The following YTHDF2 variants were observed in gnomAD, a reference collection of about 807,000 sequenced individuals.
The protein encoded by YTHDF2 is YTH domain-containing family protein 2.
A neutral mutation model predicts 50.4 loss-of-function variants in YTHDF2; 2 were observed. That is an observed-to-expected ratio of 0.04 (90% CI 0.02 to 0.12). The LOEUF is 0.12. Ranked by LOEUF, YTHDF2 falls within the 10% of genes least tolerant of loss-of-function variation. YTHDF2 has a pLI of 1.00. For synonymous variants in YTHDF2, 217 were observed against 255.6 expected (o/e 0.85, Z 1.44); for missense variants, 483 against 722.6 (o/e 0.67, Z 3.80).
In YTHDF2 at chr1:28,737,856, T is replaced by G. The variant is rs1488159523; in HGVS notation, c.52+174T>G. 6.3e-5 allele frequency: 45 copies of G among 717,486 alleles called. No homozygotes were observed. In the Admixed American group the frequency reaches 1.3e-3, roughly 20 times the overall value. The allele number at this position is 717,486 out of a possible 1,614,324, so 44.4% of individuals were successfully genotyped here. On this transcript the variant is annotated intron_variant, in intron 2 of 4. Coordinates refer to ENST00000373812, the MANE Select transcript of YTHDF2 (RefSeq NM_016258.3). ...TGTGTTCTTGCAGCTGGCGAACAGC[T>G]TTTTCGCTAACAAGGAGTAATTCAT...
chr1:28,760,949 G>T (rs1012439203), intron 4 of YTHDF2, among the ~76,000 whole-genome samples: 2 of 152,052 alleles, frequency 1.3e-5, no homozygotes, highest in Admixed American at 6.6e-5. Context: ...CTTGCAGTGC[G>T]GTAGGTTTGT....
chr1:28,756,180 A>G (rs2088033269), intron 4 of YTHDF2, among the ~76,000 whole-genome samples: 2 of 152,186 alleles, frequency 1.3e-5, no homozygotes, highest in Admixed American at 1.3e-4. Context: ...TTGTTTGCCT[A>G]GTATGGGCTG....
chr1:28,754,492 T>C (rs1039326816), intron 4 of YTHDF2, among the ~76,000 whole-genome samples: 3 of 151,920 alleles, frequency 2.0e-5, no homozygotes, highest in Non-Finnish European at 2.9e-5. Context: ...ATAGCGCTAC[T>C]GCACTCCAGC....
intron 4 of YTHDF2, among the ~76,000 whole-genome samples, chr1:28,761,597 C>T (rs534820118): frequency 1.3e-5 from 2 of 152,274 alleles, no homozygotes; most frequent in South Asian, 2.1e-4. Flanking sequence ...ATTAGCTGGG[C>T]ATGGTGGCGC....
chr1:28,738,167 A>G, intron 2 of YTHDF2, 92 bp from the exon 3 acceptor site: 2 of 959,662 alleles, frequency 2.1e-6, no homozygotes, highest in African/African-American at 1.6e-5. Flanking sequence ...TTTGTTAACT[A>G]GTAAGGTTTT....
chr1:28,744,031 A>G (rs2087819337), intron 4 of YTHDF2, 45 bp downstream of exon 4: 1 of 1,501,024 alleles, frequency 6.7e-7, no homozygotes, highest in African/African-American at 1.4e-5. Flanking sequence ...AGGAGGAACC[A>G]GAGAGAACAG....
intron 2 of YTHDF2, chr1:28,737,922 C>A (rs2087720527): frequency 3.4e-6 from 2 of 591,334 alleles, no homozygotes; most frequent in Non-Finnish European, 6.0e-6. Context: ...GCTCCAGGTC[C>A]TTAGTTTCCT....
rs1553142835 is a variant in YTHDF2, at chr1:28,737,003, G to A, written c.-118G>A. The A allele has an allele frequency of 1.1e-5, 14 of 1,304,498 alleles. No individual in the cohort carries two copies. The South Asian group carries it at 1.6e-4, about 15-fold the overall frequency. The allele number at this position is 1,304,498 out of a possible 1,614,324, so 80.8% of individuals were successfully genotyped here. A position where few individuals can be genotyped will look rare whatever the true frequency, so the allele number is the denominator to read the frequency against. ...GCTGTGTCTCCGCTGCGTCCGCCGA[G>A]GCCCCCGAGTGTCAGGGACAAAAGC... On this transcript the variant is annotated 5_prime_UTR_variant, in exon 1 of 5. Coordinates refer to ENST00000373812, the MANE Select transcript of YTHDF2 (RefSeq NM_016258.3).
rs534416031 is a variant in YTHDF2, at chr1:28,756,352, T to C, written c.1716+12366T>C. Among the ~76,000 whole-genome samples the C allele has an allele frequency of 9.2e-5, 14 of 152,344 alleles. No homozygotes were observed. The South Asian group carries it at 2.7e-3, about 29-fold the overall frequency. On this transcript the variant is annotated intron_variant, in intron 4 of 4. Coordinates refer to ENST00000373812, the MANE Select transcript of YTHDF2 (RefSeq NM_016258.3). ...CAAGGGCTAGTTGGCAATGCTAGAA[T>C]CGTTTAGTATATCTTGAATAGTTTA...
At chr1:28,752,863 C>T (rs556792379) in intron 4 of YTHDF2, among the ~76,000 whole-genome samples, 11 of 150,894 alleles carry the variant, frequency 7.3e-5, no homozygotes, top group Middle Eastern at 6.9e-3. Flanking sequence ...GGCAGCATAG[C>T]GAGACCTTGT....
intron 4 of YTHDF2, among the ~76,000 whole-genome samples, chr1:28,747,829 A>C (rs750654147): frequency 6.6e-6 from 1 of 151,504 alleles, no homozygotes; most frequent in Non-Finnish European, 1.5e-5. Context: ...CTCTCTTGTA[A>C]GAACTGCTGG....
chr1:28,749,223 G>A (rs1385451665), intron 4 of YTHDF2, among the ~76,000 whole-genome samples: 2 of 126,378 alleles, frequency 1.6e-5, no homozygotes, highest in Non-Finnish European at 3.1e-5. Flanking sequence ...TCTCAGTCTC[G>A]CTCTGTCGTC....
At chr1:28,753,809 C>T (rs912828826) in intron 4 of YTHDF2, among the ~76,000 whole-genome samples, 14 of 151,062 alleles carry the variant, frequency 9.3e-5, no homozygotes, top group Admixed American at 2.0e-4. Context: ...CAGGTTCAAG[C>T]GATTCTCCTG....
Position 28,742,047 on chromosome 1 carries a change from C to CTTT in YTHDF2, c.133-345_133-343dup, listed in dbSNP as rs67430325. On this transcript the variant is annotated intron_variant, in intron 3 of 4. Transcript: ENST00000373812. Reference sequence around the variant, plus strand: ...AGGAAATCATCTGATGTGCTGCACACTTTTTTTTTTTTTCCTGGAGATGGA... The same window carrying CTTT: ...AGGAAATCATCTGATGTGCTGCACACTTTTTTTTTTTTTTTTCCTGGAGATGGA... Among the ~76,000 whole-genome samples the CTTT allele has an allele frequency of 1.5e-4, 21 of 143,408 alleles. 4 individuals are homozygous for CTTT. Among genetic ancestry groups the CTTT allele is most frequent in the East Asian group, 6.2e-4 (3 of 4,842 alleles). 94.1% of individuals were successfully genotyped at this position (143,408 alleles called of 152,430 possible).
chr1:28,749,275 T>C (rs112335976), intron 4 of YTHDF2, among the ~76,000 whole-genome samples: 5 of 146,536 alleles, frequency 3.4e-5, no homozygotes, highest in African/African-American at 1.3e-4. Flanking sequence ...CACTGCAAGC[T>C]CCGCCTCCCG....
At position 28,743,069 on chromosome 1, in the gene YTHDF2, C is replaced by T. The variant is rs1237604178; in HGVS notation, c.799C>T (p.Pro267Ser). 2 of 1,614,168 alleles carry T rather than the reference C, an allele frequency of 1.2e-6. No individual in the cohort carries two copies. Among genetic ancestry groups the T allele is most frequent in the Non-Finnish European group, 1.7e-6 (2 of 1,180,038 alleles). ...CATTGCAGGGTCAAGTCTTCCGCCA[C>T]CCCCGATAAAGCATAACATGGATAT... Reference protein sequence around the residue: ...NGIAGSSLPPPPIKHNMDIGT... With the variant: ...NGIAGSSLPPSPIKHNMDIGT... Residue 267 changes from proline to serine, a missense_variant, in exon 4 of 5, where the codon CCC becomes TCC. By Grantham distance (74) the Pro-to-Ser change is moderately conservative. Around this residue, in one of 4 missense-constraint regions of YTHDF2, gnomAD observed 385 missense variants for 475.8 expected, o/e 0.81. Coordinates refer to ENST00000373812, the MANE Select transcript of YTHDF2 (RefSeq NM_016258.3). The surrounding 1 kb of genome is among the most constrained non-coding windows in gnomAD (Gnocchi z 6.9).
At chr1:28,760,699 G>A (rs1281855739) in intron 4 of YTHDF2, among the ~76,000 whole-genome samples, 1 of 151,884 alleles carries the variant, frequency 6.6e-6, no homozygotes, top group African/African-American at 2.4e-5. Flanking sequence ...TCCTCCCTCA[G>A]CCTCCCAAGT....
chr1:28,742,190 T>TC (rs1270384099), intron 3 of YTHDF2, among the ~76,000 whole-genome samples: 2 of 151,982 alleles, frequency 1.3e-5, no homozygotes, highest in Non-Finnish European at 2.9e-5. Flanking sequence ...AGACAGGGTT[T>TC]CATCGTGTTG....
intron 4 of YTHDF2, among the ~76,000 whole-genome samples, chr1:28,750,252 G>A (rs2087930676): frequency 6.6e-6 from 1 of 152,008 alleles, no homozygotes. Context: ...GCCTCCCAAA[G>A]TGCTGGGTTT....
Sources: allele counts gnomAD v4.1 joint callset (sites outside exome capture counted in the v4.1 genomes callset), GRCh38; gene constraint gnomAD v4.1.1; regional missense constraint gnomAD v4.1.1; non-coding constraint Gnocchi (gnomAD v3.1); transcripts MANE v1.5; gene names NCBI Gene and HGNC (gene_info 2026-07-23, HGNC 2026-07-21).